The following PLXNA4 variants were observed in gnomAD, a reference collection of about 807,000 sequenced individuals.
PLXNA4 encodes the protein plexin-A4.
Under a neutral mutation model 191.8 loss-of-function variants are expected in PLXNA4, and 44 were observed. The ratio of observed to expected loss-of-function variants is 0.23; its 90% confidence interval spans 0.18 to 0.29. The LOEUF (loss-of-function observed/expected upper bound fraction) is 0.29, where lower values mean the gene tolerates loss of function less well. Ranked by LOEUF, PLXNA4 falls within the 10% of genes least tolerant of loss-of-function variation. The pLI, the probability that PLXNA4 is intolerant of heterozygous loss-of-function variation, is 1.00. For synonymous variants in PLXNA4, 1,082 were observed against 1,009.5 expected (o/e 1.07, Z -1.36); for missense variants, 1,800 against 2,488.8 (o/e 0.72, Z 5.89).
chr7:132,624,356 A>G (rs1407414821), intron 2 of PLXNA4, among the ~76,000 whole-genome samples: 1 of 152,174 alleles, frequency 6.6e-6, no homozygotes, highest in South Asian at 2.1e-4. Context: ...CCATAAGCAC[A>G]TGCCTGGTTG....
At chr7:132,539,622 G>A (rs1799986170) in intron 1 of PLXNA4, among the ~76,000 whole-genome samples, 1 of 152,188 alleles carries the variant, frequency 6.6e-6, no homozygotes, top group African/African-American at 2.4e-5. Context: ...CCATCTGTAA[G>A]GTGGGACCAA....
At chr7:132,159,332 G>A (rs1795882176) in intron 25 of PLXNA4, 141 bp downstream of exon 25, 4 of 1,360,466 alleles carry the variant, frequency 2.9e-6, no homozygotes, top group Middle Eastern at 2.1e-4. Context: ...CTCCTGCGGG[G>A]GTCCAGCCAT....
chr7:132,634,355 A>G (rs1803552796), intron 2 of PLXNA4, among the ~76,000 whole-genome samples: 1 of 152,022 alleles, frequency 6.6e-6, no homozygotes. Context: ...CCTATGTCTC[A>G]TTCACTGGCT....
chr7:132,305,275 C>G (rs1801467799), intron 3 of PLXNA4, among the ~76,000 whole-genome samples: 1 of 151,730 alleles, frequency 6.6e-6, no homozygotes, highest in African/African-American at 2.4e-5. Context: ...AAGGACTGAG[C>G]ATCATCTTGC....
chr7:132,403,557 G>A (rs1156973544), intron 3 of PLXNA4, among the ~76,000 whole-genome samples: 2 of 152,264 alleles, frequency 1.3e-5, no homozygotes, highest in African/African-American at 2.4e-5. Context: ...TACTGATCGC[G>A]TTTGCTTGCT....
intron 4 of PLXNA4, among the ~76,000 whole-genome samples, chr7:132,255,723 T>C (rs1162169866): frequency 6.6e-6 from 1 of 152,090 alleles, no homozygotes; most frequent in Non-Finnish European, 1.5e-5. Flanking sequence ...CCCCTCCCTA[T>C]CAATAGGGCT....
At chr7:132,625,728 ACT>A (rs1803357529) in intron 2 of PLXNA4, among the ~76,000 whole-genome samples, 1 of 152,238 alleles carries the variant, frequency 6.6e-6, no homozygotes, top group Admixed American at 6.5e-5. Flanking sequence ...AAAGACTTGC[ACT>A]GTCATTGAAG....
intron 15 of PLXNA4, 40 bp from the exon 16 acceptor site, chr7:132,185,503 G>A: frequency 1.3e-6 from 2 of 1,579,300 alleles, no homozygotes; most frequent in East Asian, 2.3e-5. Context: ...GCCTGGTGTT[G>A]AGGAGGACAG....
chr7:132,528,454 G>A (rs1456275820), intron 1 of PLXNA4, among the ~76,000 whole-genome samples: 3 of 152,292 alleles, frequency 2.0e-5, no homozygotes, highest in African/African-American at 7.2e-5. Context: ...ATTGGAATAA[G>A]CCAATGATTC....
intron 24 of PLXNA4, 75 bp from the exon 25 acceptor site, chr7:132,159,707 T>C: frequency 6.3e-7 from 1 of 1,582,716 alleles, no homozygotes; most frequent in Non-Finnish European, 8.6e-7. Flanking sequence ...AGCAGCACCC[T>C]GGGATTCCGT....
chr7:132,496,092 T>TG (rs1449455314), intron 2 of PLXNA4, among the ~76,000 whole-genome samples: 2 of 152,218 alleles, frequency 1.3e-5, no homozygotes, highest in African/African-American at 4.8e-5. Flanking sequence ...GTTATGTGCC[T>TG]GGGGGAGTCC....
At chr7:132,269,335 C>A (rs754129902) in intron 4 of PLXNA4, among the ~76,000 whole-genome samples, 3 of 152,160 alleles carry the variant, frequency 2.0e-5, no homozygotes, top group Non-Finnish European at 4.4e-5. Flanking sequence ...CAAATTTGAG[C>A]AGAAAGAGGT....
chr7:132,500,252 G>T (rs915147636), intron 2 of PLXNA4, among the ~76,000 whole-genome samples: 4 of 152,162 alleles, frequency 2.6e-5, no homozygotes, highest in Non-Finnish European at 5.9e-5. Flanking sequence ...AAACCAGCTT[G>T]GCCAGCGTGA....
intron 3 of PLXNA4, among the ~76,000 whole-genome samples, chr7:132,468,421 C>T (rs1175484347): frequency 1.3e-5 from 2 of 152,168 alleles, no homozygotes; most frequent in African/African-American, 4.8e-5. Context: ...TTACCTTGCA[C>T]ACTCAATCCC....
At chr7:132,312,067 G>T (rs1297913440) in intron 3 of PLXNA4, among the ~76,000 whole-genome samples, 2 of 151,774 alleles carry the variant, frequency 1.3e-5, no homozygotes, top group Non-Finnish European at 2.9e-5. Context: ...CAGTTGAGGG[G>T]CCTAAAGACA....
At chr7:132,298,058 G>C (rs371561255) in intron 4 of PLXNA4, 33 bp downstream of exon 4, 2 of 1,613,726 alleles carry the variant, frequency 1.2e-6, no homozygotes, top group African/African-American at 2.7e-5. Context: ...TTAACTGCAA[G>C]ACAAATGTCT....
At chr7:132,238,816 G>A (rs910726454) in intron 5 of PLXNA4, among the ~76,000 whole-genome samples, 5 of 147,072 alleles carry the variant, frequency 3.4e-5, no homozygotes, top group East Asian at 2.0e-4. Context: ...GTCACAAGAG[G>A]GGGGGGGGCA....
chr7:132,308,690 A>G (rs1027872306), intron 3 of PLXNA4, among the ~76,000 whole-genome samples: 3 of 152,178 alleles, frequency 2.0e-5, no homozygotes, highest in African/African-American at 4.8e-5. Context: ...CTCATATGAA[A>G]AACAGAAATA....
intron 13 of PLXNA4, among the ~76,000 whole-genome samples, chr7:132,197,869 G>C (rs927249248): frequency 3.3e-5 from 5 of 152,334 alleles, no homozygotes; most frequent in African/African-American, 9.6e-5. Context: ...ATGGAATATA[G>C]ATTCTATGAT....
Sources: gnomAD v4.1 joint callset for allele counts (sites outside exome capture counted in the v4.1 genomes callset) on GRCh38, gnomAD v4.1.1 for gene constraint, MANE v1.5 for transcripts, NCBI Gene and HGNC (gene_info 2026-07-23, HGNC 2026-07-21) for gene names.